The following PHACTR1 variants were observed in gnomAD, a reference collection of about 807,000 sequenced individuals.
PHACTR1 encodes the protein RPEL repeat containing 1.
Under a neutral mutation model 69.2 loss-of-function variants are expected in PHACTR1, and 16 were observed. The ratio of observed to expected loss-of-function variants is 0.23; its 90% CI spans 0.16 to 0.35. PHACTR1 has a LOEUF of 0.35. PHACTR1 is among the 10% of genes least tolerant of loss of function. The probability of loss-of-function intolerance (pLI) is 1.00; values close to 1 mark genes in which losing one functional copy is unlikely to be tolerated. For missense variants in PHACTR1, 510 were observed against 734.7 expected, an observed-to-expected ratio of 0.69 and a Z score of 3.54; for synonymous variants, 312 against 284.5, an observed-to-expected ratio of 1.10 and a Z score of -0.97.
chr6:12,913,868 C>G (rs577298960), intron 4 of PHACTR1, among the ~76,000 whole-genome samples: 1 of 152,202 alleles, frequency 6.6e-6, no homozygotes, highest in Non-Finnish European at 1.5e-5. Flanking sequence ...ATTTTTGACA[C>G]TTTTGAAGAT....
intron 4 of PHACTR1, among the ~76,000 whole-genome samples, chr6:12,931,968 G>C (rs1467660068): frequency 6.6e-6 from 1 of 151,750 alleles, no homozygotes; most frequent in African/African-American, 2.4e-5. Context: ...TATGGTCCCA[G>C]ACCAGCTGTA....
intron 5 of PHACTR1, among the ~76,000 whole-genome samples, chr6:13,088,761 A>G (rs939382576): frequency 3.9e-5 from 6 of 152,126 alleles, no homozygotes; most frequent in Admixed American, 6.5e-5. Context: ...AGTCACCTTG[A>G]AGAGCCCTTC....
At chr6:12,976,171 T>A (rs1431963080) in intron 4 of PHACTR1, among the ~76,000 whole-genome samples, 1 of 152,228 alleles carries the variant, frequency 6.6e-6, no homozygotes, top group African/African-American at 2.4e-5. Context: ...TCAATCATTT[T>A]GTAGTTCGGA....
chr6:12,830,652 C>T (rs531843195), intron 4 of PHACTR1, among the ~76,000 whole-genome samples: 146 of 152,060 alleles, frequency 9.6e-4, no homozygotes, highest in African/African-American at 3.2e-3. Context: ...TGCAGTGGCG[C>T]GATCTCGGCT....
At chr6:13,194,967 G>A (rs578191537) in intron 7 of PHACTR1, among the ~76,000 whole-genome samples, 170 of 152,216 alleles carry the variant, frequency 1.1e-3, no homozygotes, top group African/African-American at 3.7e-3. Flanking sequence ...TGGCTTGGAA[G>A]GGAAAGCCAG....
intron 5 of PHACTR1, among the ~76,000 whole-genome samples, chr6:13,103,980 A>G (rs1264385543): frequency 6.6e-6 from 1 of 152,162 alleles, no homozygotes; most frequent in African/African-American, 2.4e-5. Context: ...GCTGCTTGGG[A>G]GGTTGAGGCA....
intron 4 of PHACTR1, among the ~76,000 whole-genome samples, chr6:12,900,289 T>A (rs966576616): frequency 1.3e-5 from 2 of 152,224 alleles, no homozygotes; most frequent in African/African-American, 4.8e-5. Flanking sequence ...TCATCATTTT[T>A]TTTTTCGAAG....
In PHACTR1 at chr6:12,826,507, C is replaced by G. The variant is rs77973293; in HGVS notation, c.250+76717C>G. Among the ~76,000 whole-genome samples the G allele has an allele frequency of 2.9e-3, 436 of 152,304 alleles. 1 individual carries two copies. The highest frequency in any genetic ancestry group is 4.8e-3 in the Non-Finnish European group (324 of 68,014). The stretch of plus-strand genomic sequence containing the variant: ...GATTATCATCTCCATGGGGAAATAG[C>G]TGTAGCCAGTTTGCCTCTTGTTATT... On this transcript the variant is annotated intron_variant, in intron 4 of 14. Coordinates refer to ENST00000332995, the MANE Select transcript of PHACTR1 (RefSeq NM_030948.6).
intron 4 of PHACTR1, among the ~76,000 whole-genome samples, chr6:12,811,608 C>A (rs1775017195): frequency 6.6e-6 from 1 of 152,018 alleles, no homozygotes; most frequent in East Asian, 1.9e-4. Flanking sequence ...TTCTTACTTT[C>A]TATTCTTATC....
At chr6:12,847,221 A>G (rs1263906659) in intron 4 of PHACTR1, among the ~76,000 whole-genome samples, 1 of 152,216 alleles carries the variant, frequency 6.6e-6, no homozygotes, top group Admixed American at 6.5e-5. Context: ...ACCTGGTATA[A>G]TCACATTCAC....
intron 5 of PHACTR1, among the ~76,000 whole-genome samples, chr6:13,097,014 G>A (rs937815728): frequency 2.0e-5 from 3 of 152,136 alleles, no homozygotes; most frequent in African/African-American, 7.2e-5. Flanking sequence ...AAAAGAAGAG[G>A]ACTCAAGCTC....
intron 4 of PHACTR1, among the ~76,000 whole-genome samples, chr6:12,779,538 A>AATAT (rs1770547880): frequency 6.6e-6 from 1 of 152,152 alleles, no homozygotes; most frequent in Non-Finnish European, 1.5e-5. Context: ...TAAATAAATA[A>AATAT]ATAAATAAAT....
chr6:13,218,287 C>A (rs1767981549), intron 8 of PHACTR1, among the ~76,000 whole-genome samples: 1 of 152,170 alleles, frequency 6.6e-6, no homozygotes. Flanking sequence ...TAATTCCCCT[C>A]CCATGGATGG....
intron 4 of PHACTR1, among the ~76,000 whole-genome samples, chr6:12,959,119 G>A (rs547488136): frequency 2.9e-5 from 4 of 137,610 alleles, no homozygotes; most frequent in African/African-American, 1.1e-4. Flanking sequence ...GGAGGCTGCA[G>A]TGAGCCCAGA....
At chr6:12,893,270 C>A (rs954702637) in intron 4 of PHACTR1, among the ~76,000 whole-genome samples, 1 of 152,158 alleles carries the variant, frequency 6.6e-6, no homozygotes, top group Non-Finnish European at 1.5e-5. Context: ...AGCTGTGCAG[C>A]TCCAGGGCGT....
intron 4 of PHACTR1, among the ~76,000 whole-genome samples, chr6:12,988,942 C>T (rs541963194): frequency 1.3e-5 from 2 of 152,362 alleles, no homozygotes; most frequent in African/African-American, 2.4e-5. Context: ...AGCTCCTATA[C>T]ATTTTTGAAC....
rs188024398 is a variant in PHACTR1, at chr6:13,287,417, G to A, written c.*339G>A. 3.4e-5 allele frequency: 3 copies of A among 87,920 alleles called. No homozygotes were observed. Among genetic ancestry groups the A allele is most frequent in the Middle Eastern group, 7.9e-3 (2 of 252 alleles). The allele number at this position is 87,920 out of a possible 1,614,324, so 5.4% of individuals were successfully genotyped here. ...CAGGCCCAGCAGGCACTACCTTCAT[G>A]AAGTCTCCAGCAAACCTCTTCCTCA... On this transcript the variant is annotated 3_prime_UTR_variant, in exon 15 of 15. Transcript: ENST00000332995.
intron 4 of PHACTR1, among the ~76,000 whole-genome samples, chr6:12,940,092 T>C (rs2127539880): frequency 6.6e-6 from 1 of 152,272 alleles, no homozygotes; most frequent in East Asian, 1.9e-4. Flanking sequence ...AAGATATAAT[T>C]ACCCAAACTT....
At chr6:12,944,778 T>TTTA (rs1491142696) in intron 4 of PHACTR1, among the ~76,000 whole-genome samples, 2 of 133,494 alleles carry the variant, frequency 1.5e-5, no homozygotes, top group African/African-American at 6.1e-5. Context: ...TATTTATTTA[T>TTTA]TTTTATTTAT....
Sources: gnomAD v4.1 joint callset for allele counts (sites outside exome capture counted in the v4.1 genomes callset) on GRCh38, gnomAD v4.1.1 for gene constraint, MANE v1.5 for transcripts, NCBI Gene and HGNC (gene_info 2026-07-23, HGNC 2026-07-21) for gene names.